Variants in TRDN observed in about 807,000 individuals in gnomAD.
The protein encoded by TRDN is triadin in skeletal muscle.
In TRDN, 161 loss-of-function variants were observed where a neutral mutation model predicts 149.7. That is an observed-to-expected ratio of 1.08 (90% CI 0.95 to 1.23). The LOEUF (loss-of-function observed/expected upper bound fraction) is 1.23, where lower values mean the gene tolerates loss of function less well. TRDN is among the 50% of genes most tolerant of loss of function. The pLI, the probability that TRDN is intolerant of heterozygous loss-of-function variation, is 0.00. For missense variants in TRDN, 896 were observed against 823.5 expected (o/e 1.09, Z -1.08); for synonymous variants, 294 against 250.5 (o/e 1.17, Z -1.64).
intron 21 of TRDN, among the ~76,000 whole-genome samples, chr6:123,339,245 T>G (rs1350241283): frequency 3.3e-5 from 5 of 152,148 alleles, no homozygotes; most frequent in Non-Finnish European, 7.4e-5. Flanking sequence ...CCTCAAGTGA[T>G]CTGCTGAACT....
intron 23 of TRDN, among the ~76,000 whole-genome samples, chr6:123,322,616 ATT>A (rs1779283206): frequency 8.6e-5 from 1 of 11,566 alleles, no homozygotes; most frequent in Non-Finnish European, 2.7e-4. Flanking sequence ...TTTAAAATTT[ATT>A]ATTATTATTA....
chr6:123,491,524 A>G (rs1294604458), intron 9 of TRDN, among the ~76,000 whole-genome samples: 3 of 152,196 alleles, frequency 2.0e-5, no homozygotes, highest in Non-Finnish European at 4.4e-5. Context: ...CCTGTAAACT[A>G]TTAGAAAAAC....
chr6:123,216,584 C>T lies in TRDN; in HGVS notation c.*2017G>A, dbSNP rs577880070. The T allele has an allele frequency of 7.9e-5, 12 of 151,800 alleles. No individual in the cohort carries two copies. The highest frequency in any genetic ancestry group is 5.8e-4 in the East Asian group (3 of 5,146). 9.4% of individuals were successfully genotyped at this position (151,800 alleles called of 1,614,324 possible). A position where few individuals can be genotyped will look rare whatever the true frequency, so the allele number is the denominator to read the frequency against. On this transcript the variant is annotated 3_prime_UTR_variant, in exon 41 of 41. Coordinates refer to ENST00000334268, the MANE Select transcript of TRDN (RefSeq NM_006073.4). ...AAAATAGTCAGAGGAAAAACTAGTG[C>T]CATACCCAAAAGTATTACTTCAGAA...
At chr6:123,567,922 C>A (rs990310122) in intron 2 of TRDN, among the ~76,000 whole-genome samples, 3 of 152,126 alleles carry the variant, frequency 2.0e-5, no homozygotes, top group African/African-American at 7.2e-5. Flanking sequence ...TCTCCCAAAG[C>A]CTTAACTCAT....
At chr6:123,511,470 C>T (rs751899388) in intron 7 of TRDN, among the ~76,000 whole-genome samples, 11 of 151,872 alleles carry the variant, frequency 7.2e-5, no homozygotes, top group Non-Finnish European at 1.3e-4. Context: ...CAACTATGTA[C>T]CTATAAATAT....
In TRDN at chr6:123,422,552, G is replaced by A. The variant is rs199661949; in HGVS notation, c.1051+15511C>T. Among the ~76,000 whole-genome samples, 16 of 152,156 alleles carry A rather than the reference G, an allele frequency of 1.1e-4. No individual in the cohort carries two copies. The East Asian group carries it at 2.9e-3, about 28-fold the overall frequency. On this transcript the variant is annotated intron_variant, in intron 12 of 40. Coordinates refer to ENST00000334268, the MANE Select transcript of TRDN (RefSeq NM_006073.4). ...TCCTCCCATTGGAATTCCAAGAAAA[G>A]CAATCTAATACATATTTTAAAAACT...
chr6:123,332,897 A>C (rs1779713864), intron 22 of TRDN, among the ~76,000 whole-genome samples: 1 of 152,200 alleles, frequency 6.6e-6, no homozygotes, highest in Middle Eastern at 3.4e-3. Flanking sequence ...TTTTATTAAA[A>C]GAACTGCATC....
intron 2 of TRDN, among the ~76,000 whole-genome samples, chr6:123,548,983 T>C (rs938604367): frequency 7.9e-5 from 12 of 152,068 alleles, no homozygotes; most frequent in Admixed American, 3.3e-4. Flanking sequence ...GACAGCATTA[T>C]AGAAAAGATG....
At chr6:123,574,848 TTATATATACA>T (rs1263979806) in intron 1 of TRDN, among the ~76,000 whole-genome samples, 4,683 of 102,442 alleles carry the variant, frequency 0.046, 141 homozygotes, top group Middle Eastern at 0.075. Flanking sequence ...GAACATGAAT[TTATATATACA>T]TATATATATA....
intron 33 of TRDN, among the ~76,000 whole-genome samples, chr6:123,262,038 T>C (rs1776790299): frequency 6.6e-6 from 1 of 151,964 alleles, no homozygotes; most frequent in Non-Finnish European, 1.5e-5. Flanking sequence ...AAATGCTCAA[T>C]TTTTAATCCA....
chr6:123,217,273 A>G lies in TRDN; in HGVS notation c.*1328T>C, dbSNP rs2114490433. On this transcript the variant is annotated 3_prime_UTR_variant, in exon 41 of 41. Coordinates refer to ENST00000334268, the MANE Select transcript of TRDN (RefSeq NM_006073.4). Reference sequence around the variant, plus strand: ...TGACTGTTTTATATCTTGGTCCTAAAGAACCGTAGTTAGTGGCAATCCTTG... The same window carrying G: ...TGACTGTTTTATATCTTGGTCCTAAGGAACCGTAGTTAGTGGCAATCCTTG... The G allele has an allele frequency of 6.6e-6, 1 of 152,134 alleles. No individual in the cohort carries two copies. Among genetic ancestry groups the G allele is most frequent in the South Asian group, 2.1e-4 (1 of 4,822 alleles). 9.4% of individuals were successfully genotyped at this position (152,134 alleles called of 1,614,324 possible).
At position 123,557,052 on chromosome 6, in the gene TRDN, AC is replaced by A. The variant is rs576850671; in HGVS notation, c.233-8441del. Among the ~76,000 whole-genome samples, 547 of 143,712 alleles carry A rather than the reference AC, an allele frequency of 3.8e-3. 3 individuals carry two copies. Among genetic ancestry groups the A allele is most frequent in the Non-Finnish European group, 6.5e-3 (429 of 65,664 alleles). 94.3% of individuals were successfully genotyped at this position (143,712 alleles called of 152,430 possible). A position where few individuals can be genotyped will look rare whatever the true frequency, so the allele number is the denominator to read the frequency against. ...AAGCTCCCCCACTGAGCACCTTGTG[AC>A]CCCCCCACCCCTGCCCGCCAGAGAA... On this transcript the variant is annotated intron_variant, in intron 2 of 40. Coordinates refer to ENST00000334268, the MANE Select transcript of TRDN (RefSeq NM_006073.4).
chr6:123,296,268 C>G (rs1778192495), intron 24 of TRDN, among the ~76,000 whole-genome samples: 1 of 152,122 alleles, frequency 6.6e-6, no homozygotes, highest in Non-Finnish European at 1.5e-5. Flanking sequence ...CTACTTAGAA[C>G]AGAGCAGAGG....
At chr6:123,422,837 C>A (rs907895180) in intron 12 of TRDN, among the ~76,000 whole-genome samples, 1 of 152,054 alleles carries the variant, frequency 6.6e-6, no homozygotes, top group African/African-American at 2.4e-5. Flanking sequence ...TCCTCAATGA[C>A]AACTATAACA....
intron 1 of TRDN, among the ~76,000 whole-genome samples, chr6:123,587,941 C>G (rs531784465): frequency 2.0e-5 from 3 of 152,072 alleles, no homozygotes; most frequent in African/African-American, 7.2e-5. Context: ...CAGGAACTGT[C>G]GATCTGGATG....
intron 1 of TRDN, among the ~76,000 whole-genome samples, chr6:123,628,651 A>G (rs1233823850): frequency 6.6e-6 from 1 of 152,170 alleles, no homozygotes; most frequent in African/African-American, 2.4e-5. Flanking sequence ...TGCAATAAAA[A>G]GAGACATGGC....
chr6:123,587,271 G>T (rs889558600), intron 1 of TRDN, among the ~76,000 whole-genome samples: 5 of 152,142 alleles, frequency 3.3e-5, no homozygotes, highest in Non-Finnish European at 7.3e-5. Context: ...CCAAGGGAAG[G>T]CTGCCTTCCC....
intron 35 of TRDN, among the ~76,000 whole-genome samples, chr6:123,259,217 T>C (rs980632107): frequency 1.3e-5 from 2 of 152,144 alleles, no homozygotes; most frequent in Non-Finnish European, 2.9e-5. Flanking sequence ...TGTAGTTCTT[T>C]TCATTGTGAT....
Position 123,366,140 on chromosome 6 carries a change from T to C in TRDN, c.1316A>G (p.Lys439Arg). 6.2e-7 allele frequency: 1 copy of C among 1,612,382 alleles called. No homozygotes were observed. The highest frequency in any genetic ancestry group is 2.2e-5 in the East Asian group (1 of 44,780). The part of the protein sequence containing the change: ...AKEEIGAVSI[K>R]KAVPGKKEEK... ...TATCTTTAAGCTGCATTTACCTTTT[T>C]TAATTGAAACCGCACCAATCTCCTC... is the stretch of plus-strand genomic sequence containing the variant. The change falls in exon 20 of 41, where the codon AAA becomes AGA. Residue 439 changes from lysine to arginine, a missense_variant. Coordinates refer to ENST00000334268, the MANE Select transcript of TRDN (RefSeq NM_006073.4).
Sources: allele counts gnomAD v4.1 joint callset (sites outside exome capture counted in the v4.1 genomes callset), GRCh38; gene constraint gnomAD v4.1.1; transcripts MANE v1.5; gene names NCBI Gene and HGNC (gene_info 2026-07-23, HGNC 2026-07-21).